FER: variants seen among roughly 807,000 people sequenced by gnomAD.
The protein encoded by FER is tyrosine-protein kinase Fer.
FER carries 63 observed loss-of-function variants against 111.0 expected under a neutral mutation model. That is an observed-to-expected ratio of 0.57 (90% CI 0.46 to 0.70). FER has a LOEUF of 0.70. FER is among the 30% of genes least tolerant of loss of function. The pLI, the probability that FER is intolerant of heterozygous loss-of-function variation, is 0.00. For missense variants in FER, 914 were observed against 954.0 expected (o/e 0.96, Z 0.55); for synonymous variants, 327 against 313.9 (o/e 1.04, Z -0.44).
chr5:109,114,213 A>G (rs1435247133), intron 17 of FER, among the ~76,000 whole-genome samples: 2 of 152,096 alleles, frequency 1.3e-5, no homozygotes, highest in African/African-American at 2.4e-5. Context: ...TAACTACTCT[A>G]TAGGCAAATG....
At chr5:108,755,631 A>G (rs576001601) in intron 1 of FER, among the ~76,000 whole-genome samples, 6 of 151,966 alleles carry the variant, frequency 3.9e-5, no homozygotes, top group Non-Finnish European at 7.4e-5. Flanking sequence ...GATTACAGGC[A>G]TGCACCACCA....
At chr5:109,174,236 G>A (rs1291765007) in intron 17 of FER, among the ~76,000 whole-genome samples, 1 of 152,158 alleles carries the variant, frequency 6.6e-6, no homozygotes, top group East Asian at 1.9e-4. Context: ...GAGATCAGCA[G>A]TGCACTGAAA....
At chr5:108,762,968 T>C (rs1267161441) in intron 1 of FER, among the ~76,000 whole-genome samples, 2 of 152,202 alleles carry the variant, frequency 1.3e-5, no homozygotes, top group Non-Finnish European at 2.9e-5. Flanking sequence ...TTTCTGCTTT[T>C]AAAAATAGTG....
chr5:109,121,200 TC>T (rs1750923309), intron 17 of FER, among the ~76,000 whole-genome samples: 1 of 152,158 alleles, frequency 6.6e-6, no homozygotes, highest in South Asian at 2.1e-4. Flanking sequence ...TTTCAGTTTT[TC>T]CCCATTCAGT....
chr5:108,992,222 G>A (rs1241264049), intron 13 of FER, among the ~76,000 whole-genome samples: 1 of 152,194 alleles, frequency 6.6e-6, no homozygotes, highest in Non-Finnish European at 1.5e-5. Context: ...GGATCCCAAG[G>A]CAGAAGAATT....
chr5:108,867,951 G>T lies in FER; in HGVS notation c.665+1G>T. ...TGCAAGAAGAAATGATAAAAGCACT[G>T]TAAGATACATTTTCTTTTTATCATA... On this transcript the variant is annotated splice_donor_variant, in intron 6 of 19. Coordinates refer to ENST00000281092, the MANE Select transcript of FER (RefSeq NM_005246.4). LOFTEE classifies it high-confidence loss of function. 6.3e-7 allele frequency: 1 copy of T among 1,595,024 alleles called. No individual in the cohort carries two copies.
At chr5:109,002,068 A>G (rs562552666) in intron 13 of FER, among the ~76,000 whole-genome samples, 10 of 151,808 alleles carry the variant, frequency 6.6e-5, no homozygotes, top group African/African-American at 9.7e-5. Flanking sequence ...TATAGATTCA[A>G]TGCCATCCCC....
intron 13 of FER, among the ~76,000 whole-genome samples, chr5:109,002,743 C>T (rs556353023): frequency 0.011 from 1,605 of 152,134 alleles, 34 homozygotes; most frequent in African/African-American, 0.037. Flanking sequence ...GGCTAATATC[C>T]AGAATCTACA....
intron 5 of FER, among the ~76,000 whole-genome samples, chr5:108,840,720 A>G (rs1761175411): frequency 1.3e-5 from 2 of 152,060 alleles, no homozygotes; most frequent in African/African-American, 4.8e-5. Context: ...ATAGATGACG[A>G]TGTATACTTT....
intron 13 of FER, among the ~76,000 whole-genome samples, chr5:109,017,786 G>C (rs553974572): frequency 7.2e-4 from 109 of 151,976 alleles, no homozygotes; most frequent in African/African-American, 2.5e-3. Flanking sequence ...TTAGAAATGT[G>C]AATACTTAAA....
chr5:109,065,892 C>T (rs1306719849), intron 16 of FER, among the ~76,000 whole-genome samples: 1 of 152,134 alleles, frequency 6.6e-6, no homozygotes, highest in African/African-American at 2.4e-5. Flanking sequence ...AATGTACCTA[C>T]AAAATGTAAC....
intron 16 of FER, among the ~76,000 whole-genome samples, chr5:109,098,809 A>G (rs1747853995): frequency 6.6e-6 from 1 of 151,688 alleles, no homozygotes; most frequent in African/African-American, 2.4e-5. Context: ...GACACCGTTA[A>G]GTTTATGTTT....
intron 9 of FER, among the ~76,000 whole-genome samples, chr5:108,889,655 T>TA (rs1482670306): frequency 3.3e-5 from 5 of 151,884 alleles, no homozygotes; most frequent in African/African-American, 1.2e-4. Context: ...TTAAAATAAC[T>TA]AAAAGAGTAT....
chr5:109,005,983 ATATT>A (rs1480730949), intron 13 of FER, among the ~76,000 whole-genome samples: 1 of 152,226 alleles, frequency 6.6e-6, no homozygotes, highest in African/African-American at 2.4e-5. Flanking sequence ...CATTTTTAAA[ATATT>A]TATTGTTTTT....
At chr5:109,091,991 T>C (rs1045896021) in intron 16 of FER, among the ~76,000 whole-genome samples, 1 of 152,018 alleles carries the variant, frequency 6.6e-6, no homozygotes, top group Non-Finnish European at 1.5e-5. Context: ...TTTTTGCCCT[T>C]CTATCCCTTC....
At chr5:108,986,288 T>G (rs1284777768) in intron 13 of FER, among the ~76,000 whole-genome samples, 2 of 147,488 alleles carry the variant, frequency 1.4e-5, no homozygotes, top group Non-Finnish European at 3.0e-5. Context: ...TGGGTTTTTT[T>G]CTTCTCTTTT....
At position 108,804,695 on chromosome 5, in the gene FER, T is replaced by C. The variant is rs193134764; in HGVS notation, c.207+6306T>C. ...CACAGGAATGAAGCCTATTGGATCA[T>C]GATGAATTAATTTTTTGATGTGTTG... is the stretch of plus-strand genomic sequence containing the variant. On this transcript the variant is annotated intron_variant, in intron 3 of 19. Transcript: ENST00000281092. Among the ~76,000 whole-genome samples, 460 of 152,322 alleles carry C rather than the reference T, an allele frequency of 3.0e-3. 2 individuals are homozygous for C. The highest frequency in any genetic ancestry group is 0.01 in the African/African-American group (436 of 41,556).
chr5:109,088,813 T>C (rs762814615), intron 16 of FER, among the ~76,000 whole-genome samples: 2 of 152,120 alleles, frequency 1.3e-5, no homozygotes, highest in Admixed American at 6.6e-5. Context: ...AGGGGAATTA[T>C]AGACAATTCA....
intron 13 of FER, among the ~76,000 whole-genome samples, chr5:108,983,271 G>A (rs1383086618): frequency 6.6e-6 from 1 of 151,950 alleles, no homozygotes; most frequent in Admixed American, 6.6e-5. Flanking sequence ...AAAACCAATA[G>A]CATCTCTGAC....
Sources: allele counts gnomAD v4.1 joint callset (sites outside exome capture counted in the v4.1 genomes callset), GRCh38; gene constraint gnomAD v4.1.1; transcripts MANE v1.5; gene names NCBI Gene and HGNC (gene_info 2026-07-23, HGNC 2026-07-21).